IFIH1: variants seen among roughly 807,000 people sequenced by gnomAD.
The protein encoded by IFIH1 is interferon induced with helicase C domain 1.
In IFIH1, 125 loss-of-function variants were observed where a neutral mutation model predicts 107.4. The observed-to-expected ratio is 1.16, with a 90% CI of 1.01 to 1.35. The LOEUF is 1.35. Ranked by LOEUF, IFIH1 falls within the 40% of genes most tolerant of loss-of-function variation. IFIH1 has a pLI of 0.00. For synonymous variants in IFIH1, 458 were observed against 413.2 expected (o/e 1.11, Z -1.31); for missense variants, 1,333 against 1,213.7 (o/e 1.10, Z -1.46).
intron 3 of IFIH1, among the ~76,000 whole-genome samples, chr2:162,297,449 C>T (rs146482425): frequency 5.3e-4 from 80 of 152,084 alleles, no homozygotes; most frequent in African/African-American, 1.4e-3. Context: ...AACGTAGCCA[C>T]GACTTACAAG....
chr2:162,295,358 CGTT>C (rs752243084), intron 3 of IFIH1, among the ~76,000 whole-genome samples: 5 of 151,894 alleles, frequency 3.3e-5, no homozygotes, highest in Non-Finnish European at 2.9e-5. Context: ...GATTCATCTA[CGTT>C]GTTGTGTGTA....
rs751684687 is a variant in IFIH1, at chr2:162,268,306, T to G, written c.2617-29A>C. The G allele has an allele frequency of 2.7e-6, 4 of 1,472,372 alleles. No individual in the cohort carries two copies. In the Admixed American group the frequency reaches 7.8e-5, roughly 29 times the overall value. The allele number at this position is 1,472,372 out of a possible 1,614,324, so 91.2% of individuals were successfully genotyped here. A position where few individuals can be genotyped will look rare whatever the true frequency, so the allele number is the denominator to read the frequency against. ...GACAGAGAAAGGAATAGTTAGTGGT[T>G]TCAGGTTTGTTTTCTTTTTTCAGTT... On this transcript the variant is annotated intron_variant, in intron 13 of 15. Coordinates refer to ENST00000649979, the MANE Select transcript of IFIH1 (RefSeq NM_022168.4).
chr2:162,302,538 A>G (rs1010160286), intron 3 of IFIH1, among the ~76,000 whole-genome samples: 1 of 152,248 alleles, frequency 6.6e-6, no homozygotes, highest in Non-Finnish European at 1.5e-5. Flanking sequence ...ACACAAATGC[A>G]TATTAGAAGC....
chr2:162,278,072 T>C (rs1297379968), intron 9 of IFIH1, 133 bp downstream of exon 9: 5 of 721,896 alleles, frequency 6.9e-6, no homozygotes, highest in Non-Finnish European at 6.9e-6. Context: ...ATTATGCTTG[T>C]CCTACAGAGA....
intron 3 of IFIH1, among the ~76,000 whole-genome samples, chr2:162,299,863 T>C (rs567581681): frequency 4.5e-4 from 69 of 152,310 alleles, no homozygotes; most frequent in African/African-American, 1.6e-3. Flanking sequence ...AGACTGTTCC[T>C]CTGAACACAT....
chr2:162,267,143 T>A lies in IFIH1; in HGVS notation c.*57A>T. Reference sequence around the variant, plus strand: ...TTCTGTAGCATAATGAATACATTAATCATAATCATATTAAATGTTTAACTG... The same window carrying A: ...TTCTGTAGCATAATGAATACATTAAACATAATCATATTAAATGTTTAACTG... On this transcript the variant is annotated 3_prime_UTR_variant, in exon 16 of 16. Coordinates refer to ENST00000649979, the MANE Select transcript of IFIH1 (RefSeq NM_022168.4). 1 of 1,206,722 alleles carries A rather than the reference T, an allele frequency of 8.3e-7. No homozygotes were observed. The highest frequency in any genetic ancestry group is 1.5e-5 in the South Asian group (1 of 68,076). The allele number at this position is 1,206,722 out of a possible 1,614,324, so 74.8% of individuals were successfully genotyped here.
intron 11 of IFIH1, among the ~76,000 whole-genome samples, chr2:162,276,047 G>T (rs1691147612): frequency 6.6e-6 from 1 of 152,022 alleles, no homozygotes; most frequent in Non-Finnish European, 1.5e-5. Flanking sequence ...ATACTACATG[G>T]CAATCATTTC....
intron 8 of IFIH1, among the ~76,000 whole-genome samples, chr2:162,279,260 G>A (rs1682765615): frequency 6.6e-6 from 1 of 152,008 alleles, no homozygotes; most frequent in Non-Finnish European, 1.5e-5. Context: ...ACGGAGGCTA[G>A]TTACTAACAT....
In IFIH1 at chr2:162,277,481, C is replaced by T; in HGVS notation, c.1978G>A (p.Glu660Lys). The change falls in exon 10 of 16, where the codon GAG becomes AAG. Residue 660 changes from glutamate (E) to lysine (K), a missense_variant. Glu to Lys is a moderately conservative substitution (Grantham distance 56). Transcript: ENST00000649979. ...TTCAAAGGTTTCTTTAAATCATCCT[C>T]ATCTTCATCACCATCACAATACTCA... Reference protein sequence around the residue: ...DDEYCDGDEDEDDLKKPLKLD... With the variant: ...DDEYCDGDEDKDDLKKPLKLD... The T allele has an allele frequency of 1.2e-6, 2 of 1,603,174 alleles. No individual in the cohort carries two copies. Among genetic ancestry groups the T allele is most frequent in the Non-Finnish European group, 1.7e-6 (2 of 1,170,956 alleles).
At chr2:162,270,373 A>G (rs1290882467) in intron 13 of IFIH1, among the ~76,000 whole-genome samples, 10 of 152,212 alleles carry the variant, frequency 6.6e-5, no homozygotes, top group Admixed American at 6.5e-4. Flanking sequence ...GTCAATTCTC[A>G]TCATTCATTA....
chr2:162,313,396 A>G (rs1011231407), intron 1 of IFIH1, among the ~76,000 whole-genome samples: 1 of 152,184 alleles, frequency 6.6e-6, no homozygotes, highest in Non-Finnish European at 1.5e-5. Flanking sequence ...TTAAAAATGG[A>G]TGGATGTTTT....
intron 5 of IFIH1, among the ~76,000 whole-genome samples, chr2:162,283,224 A>G (rs1245474917): frequency 1.3e-5 from 2 of 151,970 alleles, no homozygotes; most frequent in African/African-American, 2.4e-5. Context: ...TCAGGGAACC[A>G]CAAGTGAGGA....
chr2:162,317,390 A>C (rs1683516810), intron 1 of IFIH1, among the ~76,000 whole-genome samples: 1 of 152,306 alleles, frequency 6.6e-6, no homozygotes, highest in East Asian at 1.9e-4. Context: ...AACTACATTA[A>C]ATAAGAAAAA....
chr2:162,276,859 T>C lies in IFIH1; in HGVS notation c.2132A>G (p.Gln711Arg). The C allele has an allele frequency of 1.2e-6, 2 of 1,613,788 alleles. No homozygotes were observed. Among genetic ancestry groups the C allele is most frequent in the Non-Finnish European group, 1.7e-6 (2 of 1,179,774 alleles). The change falls in exon 11 of 16, where the codon CAA becomes CGA. Residue 711 changes from glutamine to arginine, a missense_variant. Physicochemically the swap from Gln to Arg is conservative, Grantham distance 43 (BLOSUM62 1). Coordinates refer to ENST00000649979, the MANE Select transcript of IFIH1 (RefSeq NM_022168.4). ...LTKLRNTIME[Q>R]YTRTEESARG... ...TGCTGATTCCTCAGTCCTAGTATAT[T>C]GCTCCATTATGGTATTTCTTAATTT...
chr2:162,308,556 T>C (rs908860129), intron 2 of IFIH1, among the ~76,000 whole-genome samples: 2 of 152,100 alleles, frequency 1.3e-5, no homozygotes, highest in Non-Finnish European at 2.9e-5. Flanking sequence ...TTTTGTATTC[T>C]TAGTAGAGAT....
At chr2:162,306,632 T>C (rs1683283856) in intron 3 of IFIH1, 77 bp downstream of exon 3, 1 of 1,062,398 alleles carries the variant, frequency 9.4e-7, no homozygotes, top group East Asian at 2.5e-5. Context: ...TTTCTCCCTC[T>C]GATTAATAGG....
At chr2:162,280,852 T>C (rs1682794846) in intron 7 of IFIH1, among the ~76,000 whole-genome samples, 1 of 152,072 alleles carries the variant, frequency 6.6e-6, no homozygotes, top group African/African-American at 2.4e-5. Context: ...AGGGGGCAGC[T>C]GACAAGCTCA....
intron 11 of IFIH1, among the ~76,000 whole-genome samples, chr2:162,275,236 G>A (rs1404631302): frequency 6.6e-6 from 1 of 152,058 alleles, no homozygotes; most frequent in East Asian, 1.9e-4. Flanking sequence ...CAGCCCCTTG[G>A]TTTGAAATGA....
At chr2:162,294,758 T>C (rs1460216667) in intron 3 of IFIH1, among the ~76,000 whole-genome samples, 1 of 151,744 alleles carries the variant, frequency 6.6e-6, no homozygotes, top group East Asian at 1.9e-4. Flanking sequence ...TTAAAAATAT[T>C]TTATAATATT....
Sources: allele counts gnomAD v4.1 joint callset (sites outside exome capture counted in the v4.1 genomes callset), GRCh38; gene constraint gnomAD v4.1.1; transcripts MANE v1.5; gene names NCBI Gene and HGNC (gene_info 2026-07-23, HGNC 2026-07-21).